The following MSRA variants were observed in gnomAD, a reference collection of about 807,000 sequenced individuals.
MSRA encodes methionine sulfoxide reductase A.
A neutral mutation model predicts 31.3 loss-of-function variants in MSRA; 54 were observed. The observed-to-expected ratio is 1.73, with a 90% CI of 1.39 to 2.17. The LOEUF (loss-of-function observed/expected upper bound fraction) is 2.17. Among genes scored for constraint, MSRA ranks in the 30% most tolerant of loss-of-function variants. MSRA has a pLI of 0.00. For synonymous variants in MSRA, 169 were observed against 116.5 expected (o/e 1.45, Z -2.90); for missense variants, 507 against 300.9 (o/e 1.69, Z -5.07).
chr8:10,216,761 T>C (rs1006131766), intron 2 of MSRA, among the ~76,000 whole-genome samples: 2 of 152,216 alleles, frequency 1.3e-5, no homozygotes, highest in African/African-American at 4.8e-5. Flanking sequence ...TTCCTTCTTA[T>C]CCCATTGTAT....
At chr8:10,287,793 G>A (rs973876824) in intron 3 of MSRA, among the ~76,000 whole-genome samples, 2 of 152,132 alleles carry the variant, frequency 1.3e-5, no homozygotes, top group Non-Finnish European at 2.9e-5. Context: ...GGGTCAAGGG[G>A]ACCATGGTAG....
At chr8:10,060,152 A>T (rs985097269) in intron 1 of MSRA, among the ~76,000 whole-genome samples, 18 of 152,220 alleles carry the variant, frequency 1.2e-4, no homozygotes, top group Admixed American at 5.2e-4. Flanking sequence ...CCAAATGATG[A>T]CTGCACCAGG....
chr8:10,283,501 C>T (rs895721519), intron 3 of MSRA, among the ~76,000 whole-genome samples: 7 of 151,746 alleles, frequency 4.6e-5, no homozygotes, highest in African/African-American at 1.7e-4. Flanking sequence ...TGAGTGCATT[C>T]TTTAGTGGTG....
At chr8:10,161,410 C>T (rs956663107) in intron 1 of MSRA, among the ~76,000 whole-genome samples, 1 of 152,092 alleles carries the variant, frequency 6.6e-6, no homozygotes, top group Non-Finnish European at 1.5e-5. Flanking sequence ...CCAAGCACTG[C>T]TGAATTTGAT....
At chr8:10,242,943 G>A (rs2129080903) in intron 2 of MSRA, among the ~76,000 whole-genome samples, 1 of 152,234 alleles carries the variant, frequency 6.6e-6, no homozygotes, top group Non-Finnish European at 1.5e-5. Flanking sequence ...TTGCCCACCT[G>A]CATCCTGGTC....
chr8:10,056,276 A>G (rs894173763), intron 1 of MSRA, among the ~76,000 whole-genome samples: 1 of 151,520 alleles, frequency 6.6e-6, no homozygotes, highest in Non-Finnish European at 1.5e-5. Flanking sequence ...CAAGGTCAAG[A>G]TGGACCAAAA....
At chr8:10,212,271 T>C (rs941509934) in intron 2 of MSRA, among the ~76,000 whole-genome samples, 2 of 152,202 alleles carry the variant, frequency 1.3e-5, no homozygotes, top group Non-Finnish European at 2.9e-5. Flanking sequence ...AAAAGAGTGC[T>C]GTGAACAATT....
chr8:10,245,088 T>C lies in MSRA; in HGVS notation c.212-16T>C. ...GAATAATCAGTATCCTTTTTTTTTC[T>C]TTTTTCTTTTTTAAGGAATGGGATG... On this transcript the variant is annotated splice_polypyrimidine_tract_variant and intron_variant, in intron 2 of 5. Coordinates refer to ENST00000317173, the MANE Select transcript of MSRA (RefSeq NM_012331.5). 6.2e-7 allele frequency: 1 copy of C among 1,609,194 alleles called. No individual in the cohort carries two copies. The highest frequency in any genetic ancestry group is 8.5e-7 in the Non-Finnish European group (1 of 1,178,468).
chr8:10,329,724 G>A (rs1802580774), intron 5 of MSRA, among the ~76,000 whole-genome samples: 1 of 151,786 alleles, frequency 6.6e-6, no homozygotes, highest in Admixed American at 6.6e-5. Flanking sequence ...TAGGAGAGGT[G>A]GGCGTTGTTC....
intron 1 of MSRA, among the ~76,000 whole-genome samples, chr8:10,134,895 G>C (rs778249367): frequency 1.3e-5 from 2 of 152,220 alleles, no homozygotes; most frequent in Non-Finnish European, 2.9e-5. Context: ...CAGTCCCAAA[G>C]AGCTCTTGCC....
intron 2 of MSRA, among the ~76,000 whole-genome samples, chr8:10,227,438 G>T (rs768932853): frequency 3.3e-5 from 5 of 152,160 alleles, no homozygotes; most frequent in Non-Finnish European, 5.9e-5. Flanking sequence ...ACACTTGTTT[G>T]CTGTAATATG....
intron 4 of MSRA, among the ~76,000 whole-genome samples, chr8:10,305,767 G>C (rs1043335793): frequency 6.6e-6 from 1 of 152,140 alleles, no homozygotes; most frequent in Non-Finnish European, 1.5e-5. Context: ...AGATTGGAAG[G>C]TGTAGGCTTT....
chr8:10,105,335 C>T (rs1799812050), intron 1 of MSRA, among the ~76,000 whole-genome samples: 1 of 152,150 alleles, frequency 6.6e-6, no homozygotes, highest in African/African-American at 2.4e-5. Context: ...TCCGATGAGG[C>T]AGAGAGGGCT....
chr8:10,357,194 G>A (rs1382136923), intron 5 of MSRA, among the ~76,000 whole-genome samples: 1 of 152,178 alleles, frequency 6.6e-6, no homozygotes, highest in Non-Finnish European at 1.5e-5. Context: ...CAAATCCATT[G>A]CTTTACTGAG....
intron 1 of MSRA, among the ~76,000 whole-genome samples, chr8:10,072,057 G>C (rs527363351): frequency 3.6e-5 from 4 of 109,630 alleles, no homozygotes; most frequent in African/African-American, 1.3e-4. Flanking sequence ...TTTCCTGGGT[G>C]GGGAACAGAT....
chr8:10,076,759 G>A (rs924489005), intron 1 of MSRA, among the ~76,000 whole-genome samples: 3 of 152,072 alleles, frequency 2.0e-5, no homozygotes, highest in Non-Finnish European at 4.4e-5. Context: ...CTAGTCTCCT[G>A]CCTTTCCGCA....
intron 5 of MSRA, among the ~76,000 whole-genome samples, chr8:10,325,856 G>A (rs370508768): frequency 7.9e-5 from 12 of 152,260 alleles, no homozygotes; most frequent in African/African-American, 2.4e-4. Flanking sequence ...TTATATCTAG[G>A]GTAAGCTTGA....
At chr8:10,168,394 T>C (rs1326180142) in intron 1 of MSRA, among the ~76,000 whole-genome samples, 1 of 152,162 alleles carries the variant, frequency 6.6e-6, no homozygotes, top group Non-Finnish European at 1.5e-5. Flanking sequence ...AACTCAGATG[T>C]CACTGGGCAT....
intron 5 of MSRA, among the ~76,000 whole-genome samples, chr8:10,397,217 A>G (rs1173600535): frequency 1.3e-5 from 2 of 152,180 alleles, no homozygotes; most frequent in Non-Finnish European, 2.9e-5. Flanking sequence ...GCCATCTCTA[A>G]TGCTTGTGGA....
Sources: gnomAD v4.1 joint callset for allele counts (sites outside exome capture counted in the v4.1 genomes callset) on GRCh38, gnomAD v4.1.1 for gene constraint, MANE v1.5 for transcripts, NCBI Gene and HGNC (gene_info 2026-07-23, HGNC 2026-07-21) for gene names.